The following IGF2BP2 variants were observed in gnomAD, a reference collection of about 807,000 sequenced individuals.
IGF2BP2 encodes insulin-like growth factor 2 mRNA-binding protein 2.
In IGF2BP2, 17 loss-of-function variants were observed where a neutral mutation model predicts 75.8. That is an observed-to-expected ratio of 0.22 (90% CI 0.15 to 0.34). IGF2BP2 has a LOEUF of 0.34. Ranked by LOEUF, IGF2BP2 falls within the 10% of genes least tolerant of loss-of-function variation. The pLI is 1.00. For missense variants in IGF2BP2, 516 were observed against 772.4 expected, an observed-to-expected ratio of 0.67 and a Z score of 3.93; for synonymous variants, 288 against 295.6, an observed-to-expected ratio of 0.97 and a Z score of 0.26.
chr3:185,747,047 A>T (rs767221215), intron 2 of IGF2BP2, among the ~76,000 whole-genome samples: 5 of 152,216 alleles, frequency 3.3e-5, no homozygotes, highest in Non-Finnish European at 7.3e-5. Context: ...CCAGAGACCT[A>T]GAAAACTCCA....
At position 185,662,991 on chromosome 3, in the gene IGF2BP2, C is replaced by G. The variant is rs899287517; in HGVS notation, c.1201-4582G>C. ...CACCACACCCAGCCCCATTCCCATA[C>G]TTTCTGTTAGGTGATGTCTACAGCC... On this transcript the variant is annotated intron_variant, in intron 10 of 15. Coordinates refer to ENST00000382199, the MANE Select transcript of IGF2BP2 (RefSeq NM_006548.6). Among the ~76,000 whole-genome samples, 4 of 152,288 alleles carry G rather than the reference C, an allele frequency of 2.6e-5. No individual in the cohort carries two copies. In the East Asian group the frequency reaches 5.8e-4, roughly 22 times the overall value.
At chr3:185,692,784 C>T (rs904459770) in intron 4 of IGF2BP2, 22 bp from the exon 5 acceptor site, 4 of 1,612,572 alleles carry the variant, frequency 2.5e-6, no homozygotes, top group Non-Finnish European at 3.4e-6. Context: ...GCAAAAACTA[C>T]ACTGTCATAG....
rs1030082094 is a variant in IGF2BP2 at position 185,644,143 on chromosome 3, T to TA, written c.*1387dup. 2.0e-5 allele frequency: 3 copies of TA among 152,358 alleles called. No homozygotes were observed. Among genetic ancestry groups the TA allele is most frequent in the Non-Finnish European group, 2.9e-5 (2 of 68,000 alleles). 9.4% of individuals were successfully genotyped at this position (152,358 alleles called of 1,614,324 possible). A position where few individuals can be genotyped will look rare whatever the true frequency, so the allele number is the denominator to read the frequency against. ...TTCCAACTCATTTTTATTAAAAAAA[T>TA]AAAAAAATGCTCCAACTATCAGCTT... On this transcript the variant is annotated 3_prime_UTR_variant, in exon 16 of 16. Transcript: ENST00000382199.
intron 2 of IGF2BP2, among the ~76,000 whole-genome samples, chr3:185,707,886 A>C (rs1195132653): frequency 6.6e-6 from 1 of 152,222 alleles, no homozygotes; most frequent in Non-Finnish European, 1.5e-5. Flanking sequence ...GTTTTAGCTC[A>C]AGTTTTACTA....
At chr3:185,681,125 T>C (rs1470173343) in intron 7 of IGF2BP2, among the ~76,000 whole-genome samples, 1 of 152,096 alleles carries the variant, frequency 6.6e-6, no homozygotes, top group Non-Finnish European at 1.5e-5. Context: ...TAAAAGGCAT[T>C]CGAATTGGAA....
At chr3:185,719,971 AAACTCAAACTC>A (rs199755843) in intron 2 of IGF2BP2, among the ~76,000 whole-genome samples, 2,060 of 152,316 alleles carry the variant, frequency 0.014, 19 homozygotes, top group Non-Finnish European at 0.022. Flanking sequence ...GAATAAATAC[AAACTCAAACTC>A]TGGTGTGGAA....
chr3:185,782,303 A>G (rs1190649673), intron 2 of IGF2BP2, among the ~76,000 whole-genome samples: 1 of 152,152 alleles, frequency 6.6e-6, no homozygotes, highest in Non-Finnish European at 1.5e-5. Context: ...GAAGGTATTT[A>G]AAACTCGCTT....
At chr3:185,659,207 G>C (rs919781661) in intron 10 of IGF2BP2, among the ~76,000 whole-genome samples, 3 of 151,606 alleles carry the variant, frequency 2.0e-5, no homozygotes, top group Admixed American at 6.6e-5. Context: ...CTGGGCGACA[G>C]AGCAAGGCCC....
intron 2 of IGF2BP2, among the ~76,000 whole-genome samples, chr3:185,780,514 T>C (rs954720747): frequency 6.6e-6 from 1 of 152,208 alleles, no homozygotes. Flanking sequence ...GACCATTTTT[T>C]CTCGCGTTTT....
intron 10 of IGF2BP2, among the ~76,000 whole-genome samples, chr3:185,671,440 G>A (rs749459208): frequency 4.0e-5 from 6 of 151,516 alleles, no homozygotes; most frequent in Non-Finnish European, 7.4e-5. Context: ...GGGATGCTGA[G>A]GCACGAGAAT....
At chr3:185,728,026 G>A (rs1174775836) in intron 2 of IGF2BP2, among the ~76,000 whole-genome samples, 2 of 152,144 alleles carry the variant, frequency 1.3e-5, no homozygotes, top group Non-Finnish European at 2.9e-5. Flanking sequence ...TAATGCCCCG[G>A]AGATGACTGT....
chr3:185,819,358 T>A (rs943712172), intron 2 of IGF2BP2, among the ~76,000 whole-genome samples: 17 of 152,150 alleles, frequency 1.1e-4, no homozygotes, highest in Admixed American at 7.2e-4. Flanking sequence ...AACCATAAAA[T>A]CTATTTTGAT....
intron 2 of IGF2BP2, among the ~76,000 whole-genome samples, chr3:185,768,298 A>C (rs1396409930): frequency 3.9e-5 from 6 of 152,214 alleles, no homozygotes; most frequent in African/African-American, 1.4e-4. Context: ...GATGCATGGC[A>C]TCCCTGTAAG....
At chr3:185,767,935 C>T (rs1733316606) in intron 2 of IGF2BP2, 1 of 152,614 alleles carries the variant, frequency 6.6e-6, no homozygotes, top group Non-Finnish European at 1.5e-5. Flanking sequence ...TGTCTTAATC[C>T]TTATATTACT....
At chr3:185,761,111 A>T (rs1047184231) in intron 2 of IGF2BP2, among the ~76,000 whole-genome samples, 3 of 152,176 alleles carry the variant, frequency 2.0e-5, no homozygotes, top group Admixed American at 2.0e-4. Context: ...TCATTTGATT[A>T]TGATTATTTC....
chr3:185,689,741 G>A, intron 5 of IGF2BP2, 114 bp from the exon 6 acceptor site: 1 of 1,162,086 alleles, frequency 8.6e-7, no homozygotes, highest in Non-Finnish European at 1.3e-6. Flanking sequence ...GGCCGAGGCG[G>A]GTGGATCACG....
intron 2 of IGF2BP2, among the ~76,000 whole-genome samples, chr3:185,700,762 G>A (rs1723181172): frequency 6.6e-6 from 1 of 152,100 alleles, no homozygotes; most frequent in Non-Finnish European, 1.5e-5. Context: ...AACAAAGACA[G>A]CAACTGTAAC....
intron 2 of IGF2BP2, among the ~76,000 whole-genome samples, chr3:185,811,316 T>C (rs1001281973): frequency 1.1e-4 from 16 of 152,160 alleles, no homozygotes; most frequent in African/African-American, 3.9e-4. Context: ...AGAAAAGGAC[T>C]TTTCCCTCTC....
At chr3:185,694,545 G>C (rs757054693) in intron 4 of IGF2BP2, among the ~76,000 whole-genome samples, 5 of 152,144 alleles carry the variant, frequency 3.3e-5, no homozygotes, top group Non-Finnish European at 5.9e-5. Flanking sequence ...TTTTCCTGCT[G>C]AATCAGGAAT....
Sources: allele counts gnomAD v4.1 joint callset (sites outside exome capture counted in the v4.1 genomes callset), GRCh38; gene constraint gnomAD v4.1.1; transcripts MANE v1.5; gene names NCBI Gene and HGNC (gene_info 2026-07-23, HGNC 2026-07-21).